Variants in ACCSL observed in about 807,000 individuals in gnomAD.
ACCSL encodes 1-aminocyclopropane-1-carboxylate synthase homolog (inactive) like.
A neutral mutation model predicts 61.7 loss-of-function variants in ACCSL; 55 were observed. The observed-to-expected ratio is 0.89, with a 90% CI of 0.72 to 1.12. ACCSL has a LOEUF of 1.12. Ranked by LOEUF, ACCSL falls within the 50% of genes most tolerant of loss-of-function variation. The pLI is 0.00. For synonymous variants in ACCSL, 258 were observed against 264.3 expected (o/e 0.98, Z 0.23); for missense variants, 632 against 698.0 (o/e 0.91, Z 1.07).
At chr11:44,015,515 T>C in the ACCSL span, among the ~76,000 whole-genome samples, 1 of 152,144 alleles carries the variant, frequency 6.6e-6, no homozygotes, top group African/African-American at 2.4e-5. Flanking sequence ...CCTGCTTCAC[T>C]AAAGAGGCAG....
chr11:43,930,185 G>T, the ACCSL span, among the ~76,000 whole-genome samples: 10 of 152,284 alleles, frequency 6.6e-5, no homozygotes, highest in South Asian at 1.5e-3. Flanking sequence ...GGCCTGGCAA[G>T]GTGGTTAGTG....
At chr11:43,925,343 T>C in the ACCSL span, 2 of 455,894 alleles carry the variant, frequency 4.4e-6, no homozygotes, top group South Asian at 1.5e-5. Flanking sequence ...AGAGGGAACA[T>C]GGGAAACAAG....
chr11:44,047,980 G>A, upstream of ACCSL: 1 of 1,561,408 alleles, frequency 6.4e-7, no homozygotes, highest in Non-Finnish European at 8.7e-7. Flanking sequence ...ATTGTCAATG[G>A]TCTCTTTCTC....
At chr11:43,967,933 C>G in the ACCSL span, among the ~76,000 whole-genome samples, 1 of 152,206 alleles carries the variant, frequency 6.6e-6, no homozygotes, top group South Asian at 2.1e-4. Context: ...GCTTCTCCAT[C>G]TCTACTCCAT....
At chr11:43,978,634 CTCCCATCT>C in the ACCSL span, among the ~76,000 whole-genome samples, 1 of 152,060 alleles carries the variant, frequency 6.6e-6, no homozygotes, top group African/African-American at 2.4e-5. Flanking sequence ...GGAAGTATTT[CTCCCATCT>C]TCCCATCCCT....
At chr11:43,944,408 C>G in the ACCSL span, 1 of 156,732 alleles carries the variant, frequency 6.4e-6, no homozygotes, top group Non-Finnish European at 1.4e-5. Context: ...AGGTGACTCC[C>G]TGACCGCAGT....
the ACCSL span, among the ~76,000 whole-genome samples, chr11:43,996,878 A>C: frequency 6.7e-6 from 1 of 148,764 alleles, no homozygotes; most frequent in Non-Finnish European, 1.5e-5. Context: ...AAGGGTGTAC[A>C]CTCGGCTCAC....
upstream of ACCSL, chr11:44,047,863 A>C (rs779065356): frequency 1.6e-5 from 13 of 800,734 alleles, no homozygotes; most frequent in Non-Finnish European, 2.3e-5. Flanking sequence ...TTCATGAACC[A>C]ATCTGGTCAT....
intron 4 of ACCSL, 64 bp from the exon 5 acceptor site, chr11:44,051,589 G>C (rs1330490454): frequency 6.2e-7 from 1 of 1,602,250 alleles, no homozygotes; most frequent in African/African-American, 1.3e-5. Context: ...GATGGAGAAA[G>C]CATGGCTACC....
chr11:44,044,022 A>G (rs940138443), upstream of ACCSL, among the ~76,000 whole-genome samples: 2 of 152,094 alleles, frequency 1.3e-5, no homozygotes, highest in Non-Finnish European at 2.9e-5. Context: ...TATGTACCTG[A>G]TTTTCTATAT....
the ACCSL span, among the ~76,000 whole-genome samples, chr11:43,959,018 C>T: frequency 9.8e-5 from 15 of 152,308 alleles, no homozygotes; most frequent in African/African-American, 3.6e-4. Flanking sequence ...CTAGTTCCCT[C>T]CAGCCCTTTT....
chr11:44,009,100 C>T, the ACCSL span, among the ~76,000 whole-genome samples: 6 of 152,060 alleles, frequency 3.9e-5, no homozygotes, highest in Non-Finnish European at 7.4e-5. Context: ...TCTGGGAGGT[C>T]GAGGGTGCAG....
Position 44,048,369 on chromosome 11 carries a change from C to T in ACCSL, c.333C>T (p.Ala111=). ...SRGDVRYGQR[A]QLSGQPDPVP... ...GTGATGTCAGATATGGGCAGAGGGC[C>T]CAACTCTCTGGGCAGCCTGATCCAG... Residue 111 remains alanine (A), a synonymous_variant, in exon 1 of 14, where the codon GCC becomes GCT. Coordinates refer to ENST00000378832, the MANE Select transcript of ACCSL (RefSeq NM_001031854.2). 1 of 1,614,090 alleles carries T rather than the reference C, an allele frequency of 6.2e-7. No individual in the cohort carries two copies. Among genetic ancestry groups the T allele is most frequent in the Non-Finnish European group, 8.5e-7 (1 of 1,180,014 alleles).
the ACCSL span, among the ~76,000 whole-genome samples, chr11:44,015,017 CA>C: frequency 6.6e-6 from 1 of 152,228 alleles, no homozygotes; most frequent in Non-Finnish European, 1.5e-5. Flanking sequence ...ACCCAGGAGC[CA>C]ATGGCACTGT....
the ACCSL span, among the ~76,000 whole-genome samples, chr11:43,968,889 C>T: frequency 6.6e-6 from 1 of 152,156 alleles, no homozygotes; most frequent in East Asian, 1.9e-4. Context: ...GCATCTCTAT[C>T]AGCCCATGAG....
chr11:43,942,196 G>A, the ACCSL span: 1 of 154,796 alleles, frequency 6.5e-6, no homozygotes, highest in Non-Finnish European at 1.5e-5. Flanking sequence ...AGAGCTGAGA[G>A]CTGCCTCGCG....
At chr11:44,043,497 T>G (rs1433505304), upstream of ACCSL, among the ~76,000 whole-genome samples, 1 of 152,252 alleles carries the variant, frequency 6.6e-6, no homozygotes, top group Non-Finnish European at 1.5e-5. Flanking sequence ...CCTGGATTGC[T>G]TTTGAGATGT....
At chr11:43,989,693 T>C in the ACCSL span, among the ~76,000 whole-genome samples, 6 of 152,192 alleles carry the variant, frequency 3.9e-5, no homozygotes, top group Non-Finnish European at 7.3e-5. Flanking sequence ...CAGAGGACTT[T>C]CCACTTCTCT....
chr11:43,966,188 G>A, the ACCSL span, among the ~76,000 whole-genome samples: 3 of 152,276 alleles, frequency 2.0e-5, no homozygotes, highest in South Asian at 6.2e-4. Context: ...CACTTTGGGA[G>A]GCCAAGGCGG....
Sources: allele counts gnomAD v4.1 joint callset (sites outside exome capture counted in the v4.1 genomes callset), GRCh38; gene constraint gnomAD v4.1.1; transcripts MANE v1.5; gene names NCBI Gene and HGNC (gene_info 2026-07-23, HGNC 2026-07-21).